PLCB1: variants seen among roughly 807,000 people sequenced by gnomAD.
PLCB1 encodes 1-phosphatidylinositol 4,5-bisphosphate phosphodiesterase beta-1.
Under a neutral mutation model 161.8 loss-of-function variants are expected in PLCB1, and 46 were observed. The observed-to-expected ratio is 0.28, with a 90% CI of 0.22 to 0.36. The LOEUF is 0.36. Among genes scored for constraint, PLCB1 ranks in the 10% least tolerant of loss-of-function variants. The pLI is 1.00. For synonymous variants in PLCB1, 517 were observed against 503.7 expected (o/e 1.03, Z -0.35); for missense variants, 1,016 against 1,472.5 (o/e 0.69, Z 5.07).
intron 3 of PLCB1, among the ~76,000 whole-genome samples, chr20:8,406,692 A>G (rs1158980457): frequency 6.6e-6 from 1 of 152,214 alleles, no homozygotes; most frequent in Non-Finnish European, 1.5e-5. Flanking sequence ...AAGAAGCACT[A>G]GAAAATGAAT....
intron 2 of PLCB1, among the ~76,000 whole-genome samples, chr20:8,213,243 G>A (rs1978928285): frequency 6.6e-6 from 1 of 152,298 alleles, no homozygotes; most frequent in East Asian, 1.9e-4. Flanking sequence ...AGAAAAAAAT[G>A]TCCATTAGAT....
Position 8,850,924 on chromosome 20 carries a change from T to C in PLCB1, c.3424-30698T>C, listed in dbSNP as rs1986864499. 4.6e-5 allele frequency among the ~76,000 whole-genome samples: 7 copies of C among 152,310 alleles called. No homozygotes were observed. The South Asian group carries it at 1.5e-3, about 32-fold the overall frequency. ...TCTGATGCTCCTATTCCAACCAAAA[T>C]CTTTAAGCCAGAGATCGCAACCAGT... On this transcript the variant is annotated intron_variant, in intron 31 of 31. Transcript: ENST00000338037.
At chr20:8,815,657 C>T (rs185633562) in intron 31 of PLCB1, among the ~76,000 whole-genome samples, 11 of 152,268 alleles carry the variant, frequency 7.2e-5, no homozygotes, top group Admixed American at 3.9e-4. Context: ...TTTGTACTCC[C>T]GACCTCAAAC....
chr20:8,850,876 G>A (rs946610115), intron 31 of PLCB1, among the ~76,000 whole-genome samples: 4 of 152,234 alleles, frequency 2.6e-5, no homozygotes, highest in Non-Finnish European at 5.9e-5. Flanking sequence ...AACCGAGACA[G>A]CAGCCTATTT....
At chr20:8,634,322 A>G (rs1988693637) in intron 4 of PLCB1, among the ~76,000 whole-genome samples, 1 of 152,220 alleles carries the variant, frequency 6.6e-6, no homozygotes. Context: ...ATTAGTCTTT[A>G]ATGTTTGTAA....
intron 3 of PLCB1, among the ~76,000 whole-genome samples, chr20:8,447,429 A>G (rs1355573954): frequency 6.6e-6 from 1 of 152,146 alleles, no homozygotes; most frequent in Non-Finnish European, 1.5e-5. Flanking sequence ...CATTCCAAAA[A>G]CTCTCCAGAC....
intron 1 of PLCB1, among the ~76,000 whole-genome samples, chr20:8,141,064 G>A (rs539233420): frequency 7.2e-5 from 11 of 152,204 alleles, no homozygotes; most frequent in Non-Finnish European, 1.5e-4. Flanking sequence ...CCAAAGTGCT[G>A]GGATTATAGA....
At chr20:8,576,324 T>C (rs980923625) in intron 3 of PLCB1, among the ~76,000 whole-genome samples, 1 of 152,160 alleles carries the variant, frequency 6.6e-6, no homozygotes, top group Non-Finnish European at 1.5e-5. Flanking sequence ...ATTTTTGTTA[T>C]TGATGAAATT....
At chr20:8,431,011 T>G (rs1439583998) in intron 3 of PLCB1, among the ~76,000 whole-genome samples, 1 of 152,034 alleles carries the variant, frequency 6.6e-6, no homozygotes, top group Non-Finnish European at 1.5e-5. Context: ...TGGTTTATCT[T>G]TAGTAGTTTG....
chr20:8,881,294 C>T (rs1433107147), intron 31 of PLCB1, among the ~76,000 whole-genome samples: 1 of 151,612 alleles, frequency 6.6e-6, no homozygotes, highest in Non-Finnish European at 1.5e-5. Context: ...TGTGAGCCAC[C>T]ACGCCCAGAC....
intron 3 of PLCB1, among the ~76,000 whole-genome samples, chr20:8,373,515 G>C (rs932690524): frequency 1.3e-5 from 2 of 152,188 alleles, no homozygotes; most frequent in Non-Finnish European, 2.9e-5. Flanking sequence ...CAAAAATGCT[G>C]ATGTGTGTTT....
intron 3 of PLCB1, among the ~76,000 whole-genome samples, chr20:8,451,832 C>G (rs1284644350): frequency 1.3e-5 from 2 of 151,506 alleles, no homozygotes; most frequent in African/African-American, 4.9e-5. Context: ...CCATCTCCCT[C>G]TTCTTCTTTC....
intron 27 of PLCB1, among the ~76,000 whole-genome samples, chr20:8,785,787 T>C (rs1162047851): frequency 6.6e-6 from 1 of 152,024 alleles, no homozygotes; most frequent in Non-Finnish European, 1.5e-5. Flanking sequence ...ATAAAGGCAG[T>C]AGGCGGAAGG....
intron 1 of PLCB1, among the ~76,000 whole-genome samples, chr20:8,148,516 A>T (rs2123029085): frequency 6.6e-6 from 1 of 152,350 alleles, no homozygotes. Flanking sequence ...TCAAAAAATG[A>T]AACATAGTAC....
chr20:8,362,978 A>C (rs1039277945), intron 2 of PLCB1, among the ~76,000 whole-genome samples: 2 of 152,126 alleles, frequency 1.3e-5, no homozygotes, highest in African/African-American at 4.8e-5. Flanking sequence ...TAGTTTCCTC[A>C]TCTGTGTTCT....
intron 3 of PLCB1, among the ~76,000 whole-genome samples, chr20:8,615,983 G>C (rs771455625): frequency 2.0e-5 from 3 of 152,088 alleles, no homozygotes; most frequent in Non-Finnish European, 4.4e-5. Flanking sequence ...TGCCTCTCTT[G>C]ACTACAACTC....
chr20:8,524,305 G>T (rs1435252146), intron 3 of PLCB1, among the ~76,000 whole-genome samples: 1 of 151,970 alleles, frequency 6.6e-6, no homozygotes, highest in Non-Finnish European at 1.5e-5. Context: ...TGAACCTCCT[G>T]GGTTTTGTTT....
At chr20:8,211,856 T>A (rs1191273206) in intron 2 of PLCB1, among the ~76,000 whole-genome samples, 1 of 152,138 alleles carries the variant, frequency 6.6e-6, no homozygotes, top group Non-Finnish European at 1.5e-5. Context: ...AAATCTTTCC[T>A]GGGTTAAAAT....
chr20:8,733,798 TAATAATAATAA>T (rs1172879191), intron 19 of PLCB1, among the ~76,000 whole-genome samples: 2 of 84,890 alleles, frequency 2.4e-5, no homozygotes, highest in South Asian at 4.2e-4. Flanking sequence ...ATAATAATAA[TAATAATAATAA>T]TAATAATAAT....
Sources: allele counts gnomAD v4.1 joint callset (sites outside exome capture counted in the v4.1 genomes callset), GRCh38; gene constraint gnomAD v4.1.1; transcripts MANE v1.5; gene names NCBI Gene and HGNC (gene_info 2026-07-23, HGNC 2026-07-21).